Variants in STK32C observed in about 807,000 individuals in gnomAD.
The protein encoded by STK32C is serine/threonine-protein kinase 32C.
Under a neutral mutation model 56.5 loss-of-function variants are expected in STK32C, and 31 were observed. The observed-to-expected ratio is 0.55, with a 90% CI of 0.41 to 0.74. STK32C has a LOEUF of 0.74. Among genes scored for constraint, STK32C ranks in the 30% least tolerant of loss-of-function variants. STK32C has a pLI of 0.00. For synonymous variants in STK32C, 309 were observed against 289.4 expected (o/e 1.07, Z -0.69); for missense variants, 544 against 676.9 (o/e 0.80, Z 2.18).
At chr10:132,209,570 G>A (rs1356053402) in intron 10 of STK32C, among the ~76,000 whole-genome samples, 9 of 152,162 alleles carry the variant, frequency 5.9e-5, no homozygotes, top group East Asian at 5.8e-4. Context: ...GCTTGTGGAC[G>A]GAGGCTGCCC....
intron 1 of STK32C, among the ~76,000 whole-genome samples, chr10:132,327,215 A>C (rs1431537898): frequency 6.6e-6 from 1 of 152,124 alleles, no homozygotes; most frequent in African/African-American, 2.4e-5. Flanking sequence ...ATGAAATCTG[A>C]TGATTTTAAA....
At chr10:132,331,478 T>C (rs2066735210) in exon 1 of STK32C, 1 of 1,612,810 alleles carries the variant, frequency 6.2e-7, no homozygotes. Context: ...AGAGGCAGCC[T>C]TACTTCTCCA....
intron 1 of STK32C, among the ~76,000 whole-genome samples, chr10:132,281,735 G>A (rs1187939900): frequency 6.6e-6 from 1 of 152,236 alleles, no homozygotes; most frequent in East Asian, 1.9e-4. Context: ...GAGACGAAAA[G>A]ACAGATTCCC....
intron 1 of STK32C, among the ~76,000 whole-genome samples, chr10:132,290,948 G>T (rs2065545236): frequency 6.6e-6 from 1 of 152,182 alleles, no homozygotes; most frequent in Non-Finnish European, 1.5e-5. Context: ...AGGGAAACAC[G>T]GCAGGAGAGG....
Position 132,293,507 on chromosome 10 carries a change from C to T in STK32C, c.262+14065G>A, listed in dbSNP as rs2065635758. 2.6e-5 allele frequency among the ~76,000 whole-genome samples: 4 copies of T among 152,216 alleles called. No homozygotes were observed. In the South Asian group the frequency reaches 8.3e-4, roughly 32 times the overall value. ...GCAGGCGGCAGAATGAAGGCCCTGT[C>T]ATCCTTAGCCACTGGCTTGGGGTGG... is the stretch of plus-strand genomic sequence containing the variant. On this transcript the variant is annotated intron_variant, in intron 1 of 11. Coordinates refer to ENST00000298630, the MANE Select transcript of STK32C (RefSeq NM_173575.4).
At chr10:132,330,265 A>G (rs1375437372) in intron 1 of STK32C, 2 of 574,764 alleles carry the variant, frequency 3.5e-6, no homozygotes, top group Non-Finnish European at 6.3e-6. Flanking sequence ...AGGCAACAAT[A>G]ACAAGCAAGA....
chr10:132,313,273 T>C (rs2066253983), intron 1 of STK32C, among the ~76,000 whole-genome samples: 2 of 152,188 alleles, frequency 1.3e-5, no homozygotes, highest in Non-Finnish European at 2.9e-5. Context: ...AGTCACACAC[T>C]CTACCCTTAC....
chr10:132,303,053 C>T (rs2065955364), intron 1 of STK32C, among the ~76,000 whole-genome samples: 1 of 152,210 alleles, frequency 6.6e-6, no homozygotes, highest in South Asian at 2.1e-4. Context: ...AAAAGTGGAG[C>T]GTTCCTTCAC....
chr10:132,258,467 C>A (rs2064198448), intron 1 of STK32C, among the ~76,000 whole-genome samples: 1 of 152,256 alleles, frequency 6.6e-6, no homozygotes, highest in Admixed American at 6.5e-5. Flanking sequence ...CAGGTGGAGC[C>A]CGTGTCATCC....
chr10:132,303,137 T>C (rs1377092649), intron 1 of STK32C, among the ~76,000 whole-genome samples: 2 of 152,222 alleles, frequency 1.3e-5, no homozygotes, highest in Non-Finnish European at 2.9e-5. Context: ...GCAGCCTGCC[T>C]GGGGCTCTGC....
intron 2 of STK32C, among the ~76,000 whole-genome samples, chr10:132,239,527 A>G (rs578150815): frequency 1.6e-4 from 25 of 152,234 alleles, no homozygotes; most frequent in Non-Finnish European, 2.4e-4. Context: ...CATGCCACGC[A>G]CTTGGCCGCC....
intron 1 of STK32C, among the ~76,000 whole-genome samples, chr10:132,248,200 C>T (rs1438441005): frequency 2.6e-5 from 4 of 152,266 alleles, no homozygotes; most frequent in Non-Finnish European, 5.9e-5. Context: ...CGTCACCCAA[C>T]GTCACCAGAT....
At chr10:132,253,884 C>T (rs934007210) in intron 1 of STK32C, among the ~76,000 whole-genome samples, 10 of 152,260 alleles carry the variant, frequency 6.6e-5, no homozygotes, top group African/African-American at 1.7e-4. Context: ...ACCTTCCTCC[C>T]GCCCTGCAGG....
intron 10 of STK32C, among the ~76,000 whole-genome samples, chr10:132,221,445 C>A (rs2062641196): frequency 6.9e-6 from 1 of 145,708 alleles, no homozygotes; most frequent in African/African-American, 2.6e-5. Flanking sequence ...GCCATCCCTG[C>A]ACACACTCAC....
At position 132,245,887 on chromosome 10, in the gene STK32C, G is replaced by T; in HGVS notation, c.318+13C>A. 1 of 1,612,018 alleles carries T rather than the reference G, an allele frequency of 6.2e-7. No homozygotes were observed. The highest frequency in any genetic ancestry group is 8.5e-7 in the Non-Finnish European group (1 of 1,179,904). On this transcript the variant is annotated intron_variant, in intron 2 of 11. Coordinates refer to ENST00000298630, the MANE Select transcript of STK32C (RefSeq NM_173575.4). ...CCCCCTCAGCCCAGTCCCCACCCCA[G>T]GCCCTGCCTTACCTTGCCAAAGCTG...
At position 132,258,389 on chromosome 10, in the gene STK32C, T is replaced by C. The variant is rs1022507048; in HGVS notation, c.263-12434A>G. Among the ~76,000 whole-genome samples, 48 of 152,238 alleles carry C rather than the reference T, an allele frequency of 3.2e-4. 1 individual carries two copies. The highest frequency in any genetic ancestry group is 3.1e-3 in the Admixed American group (47 of 15,286). ...TCCTCACAGCCTCCTTTTCCTAAAA[T>C]GGAAAGCGTGGCCCTGGCCGCCCCC... On this transcript the variant is annotated intron_variant, in intron 1 of 11. Coordinates refer to ENST00000298630, the MANE Select transcript of STK32C (RefSeq NM_173575.4).
chr10:132,245,764 A>G, intron 2 of STK32C, 136 bp downstream of exon 2: 1 of 839,936 alleles, frequency 1.2e-6, no homozygotes, highest in Non-Finnish European at 1.9e-6. Flanking sequence ...TCCCTAAAAG[A>G]CCTGGAGCCT....
intron 1 of STK32C, among the ~76,000 whole-genome samples, chr10:132,294,814 T>A (rs2065685968): frequency 6.6e-6 from 1 of 152,078 alleles, no homozygotes; most frequent in Non-Finnish European, 1.5e-5. Context: ...CTGCAGTGAC[T>A]TCCGTCCCCT....
chr10:132,219,467 C>T (rs2062565527), intron 10 of STK32C, among the ~76,000 whole-genome samples: 1 of 152,174 alleles, frequency 6.6e-6, no homozygotes, highest in Non-Finnish European at 1.5e-5. Flanking sequence ...CCTGAGTCTC[C>T]CATGAGGGTT....
Sources: gnomAD v4.1 joint callset for allele counts (sites outside exome capture counted in the v4.1 genomes callset) on GRCh38, gnomAD v4.1.1 for gene constraint, MANE v1.5 for transcripts, NCBI Gene and HGNC (gene_info 2026-07-23, HGNC 2026-07-21) for gene names.